MTMR4: variants seen among roughly 807,000 people sequenced by gnomAD.
MTMR4 encodes the protein phosphatidylinositol-3,5-bisphosphate 3-phosphatase MTMR4.
MTMR4 carries 30 observed loss-of-function variants against 125.5 expected under a neutral mutation model. The observed-to-expected ratio is 0.24, with a 90% CI of 0.18 to 0.32. The LOEUF is 0.32. Among genes scored for constraint, MTMR4 ranks in the 10% least tolerant of loss-of-function variants. The pLI is 1.00. For missense variants in MTMR4, 1,039 were observed against 1,511.5 expected, an observed-to-expected ratio of 0.69 and a Z score of 5.18; for synonymous variants, 498 against 564.5, an observed-to-expected ratio of 0.88 and a Z score of 1.67.
chr17:58,506,622 G>A, intron 9 of MTMR4, 121 bp downstream of exon 9: 1 of 1,294,572 alleles, frequency 7.7e-7, no homozygotes, highest in South Asian at 1.5e-5. Context: ...AGGTAGCAAA[G>A]TTGTGATTAC....
rs146021551 is a variant in MTMR4, at chr17:58,494,994, G to A, written c.3190C>T (p.Leu1064=). 29 of 1,614,108 alleles carry A rather than the reference G, an allele frequency of 1.8e-5. No individual in the cohort carries two copies. Among genetic ancestry groups the A allele is most frequent in the Non-Finnish European group, 2.5e-5 (29 of 1,180,046 alleles). Residue 1064 remains leucine, a synonymous_variant, in exon 15 of 18, where the codon CTG becomes TTG. Coordinates refer to ENST00000682306, the MANE Select transcript of MTMR4 (RefSeq NM_001378067.1). ...RRQVRELQMR[L]DIRHCCAPPA... Reference sequence around the variant, plus strand: ...GGGGCACAGCAGTGACGGATGTCCAGCCTCATCTGAAGCTCACGCACCTGT... The same window carrying A: ...GGGGCACAGCAGTGACGGATGTCCAACCTCATCTGAAGCTCACGCACCTGT...
intron 14 of MTMR4, among the ~76,000 whole-genome samples, chr17:58,499,385 A>G (rs556809030): frequency 6.6e-6 from 1 of 152,198 alleles, no homozygotes; most frequent in Admixed American, 6.5e-5. Context: ...CGTCTCTACT[A>G]AAAATACAAA....
At position 58,507,080 on chromosome 17, in the gene MTMR4, AG is replaced by A. The variant is rs560502475; in HGVS notation, c.904+42del. On this transcript the variant is annotated intron_variant, in intron 8 of 17. Transcript: ENST00000682306. ...TCCCTGGGAGCCAATGAAGCCAAGG[AG>A]GGGGCCTGCTCCCTGGGGGGTTAGC... The A allele has an allele frequency of 1.1e-4, 183 of 1,610,142 alleles. 2 individuals are homozygous for A. The South Asian group carries it at 1.9e-3, about 17-fold the overall frequency.
At chr17:58,491,945 A>G in intron 17 of MTMR4, 105 bp from the exon 18 acceptor site, 1 of 1,058,410 alleles carries the variant, frequency 9.4e-7, no homozygotes, top group Non-Finnish European at 1.3e-6. Flanking sequence ...CTGAGGCAGT[A>G]GAATCGCTTG....
rs984679435 is a variant in MTMR4 at position 58,501,620 on chromosome 17, A to C, written c.1853+2124T>G. On this transcript the variant is annotated intron_variant, in intron 14 of 17. Coordinates refer to ENST00000682306, the MANE Select transcript of MTMR4 (RefSeq NM_001378067.1). Reference sequence around the variant, plus strand: ...TATACACACATATATGTATATGTCTATGTATATACGTATACATGTATATAT... The same window carrying C: ...TATACACACATATATGTATATGTCTCTGTATATACGTATACATGTATATAT... Among the ~76,000 whole-genome samples, 12 of 151,446 alleles carry C rather than the reference A, an allele frequency of 7.9e-5. No individual in the cohort carries two copies. The Admixed American group carries it at 7.9e-4, about 10-fold the overall frequency.
Position 58,508,963 on chromosome 17 carries a change from A to C in MTMR4, c.336-122T>G. On this transcript the variant is annotated intron_variant, in intron 4 of 17. Transcript: ENST00000682306. The surrounding 1 kb of genome is among the most constrained non-coding windows in gnomAD (Gnocchi z 4.8). The stretch of plus-strand genomic sequence containing the variant: ...AGAGAAGGCTGCAAAGCAAGAGGTA[A>C]AGCAGTGGGGACCCAGGGTGGGGGG... 1 of 1,114,656 alleles carries C rather than the reference A, an allele frequency of 9.0e-7. No homozygotes were observed. The highest frequency in any genetic ancestry group is 1.3e-6 in the Non-Finnish European group (1 of 786,710). 69.0% of individuals were successfully genotyped at this position (1,114,656 alleles called of 1,614,324 possible).
rs1226574696 is a variant in MTMR4 at position 58,505,457 on chromosome 17, G to A, written c.1145+15C>T. On this transcript the variant is annotated intron_variant, in intron 10 of 17. Transcript: ENST00000682306. ...AGGAATGAGACTGGAAGGAATCCAA[G>A]TAGGGAACACCTACTTGCTAGGATC... 1 of 1,590,924 alleles carries A rather than the reference G, an allele frequency of 6.3e-7. No homozygotes were observed. The highest frequency in any genetic ancestry group is 8.6e-7 in the Non-Finnish European group (1 of 1,160,480).
At position 58,507,222 on chromosome 17, in the gene MTMR4, T is replaced by C. The variant is rs764447093; in HGVS notation, c.805A>G (p.Ile269Val). 1.9e-6 allele frequency: 3 copies of C among 1,614,186 alleles called. No homozygotes were observed. The highest frequency in any genetic ancestry group is 3.3e-5 in the Admixed American group (2 of 60,026). The change falls in exon 8 of 18, where the codon ATT becomes GTT. Residue 269 changes from isoleucine to valine, a missense_variant. Coordinates refer to ENST00000682306, the MANE Select transcript of MTMR4 (RefSeq NM_001378067.1). ...GGGTCCAGGGCACAGGCTTTAGCAA[T>C]GGACGTGACCAGGTACTCATCATCA... is the stretch of plus-strand genomic sequence containing the variant. ...NADDEYLVTS[I>V]AKACALDPGT...
chr17:58,518,725 C>G (rs2042061536), upstream of MTMR4, among the ~76,000 whole-genome samples: 1 of 152,154 alleles, frequency 6.6e-6, no homozygotes, highest in Non-Finnish European at 1.5e-5. Flanking sequence ...CTTTCCTTCC[C>G]GGGGACCCAG....
At chr17:58,517,851 C>T (rs568920762), upstream of MTMR4, 1 of 154,450 alleles carries the variant, frequency 6.5e-6, no homozygotes, top group East Asian at 1.9e-4. Context: ...TGAGGCCGCG[C>T]TCTTGCCACT....
chr17:58,516,828 G>A (rs1011898934), upstream of MTMR4, among the ~76,000 whole-genome samples: 9 of 152,336 alleles, frequency 5.9e-5, no homozygotes, highest in South Asian at 4.1e-4. Context: ...AGGGCATGAA[G>A]TCAGCCACGA....
Position 58,508,663 on chromosome 17 carries a change from A to T in MTMR4, c.496+18T>A. 1 of 1,613,666 alleles carries T rather than the reference A, an allele frequency of 6.2e-7. No homozygotes were observed. Among genetic ancestry groups the T allele is most frequent in the Middle Eastern group, 1.6e-4 (1 of 6,062 alleles). On this transcript the variant is annotated intron_variant, in intron 5 of 17. Coordinates refer to ENST00000682306, the MANE Select transcript of MTMR4 (RefSeq NM_001378067.1). This position sits in a 1 kb window ranked among gnomAD's most constrained non-coding sequence, Gnocchi z 4.8. ...AGGGGTAAGAAGCAGCCTCCCAAAG[A>T]AAATAGACTGGCCTCACCTGGCTGA...
rs778041239 is a variant in MTMR4, at chr17:58,503,748, C to T, written c.1849G>A (p.Asp617Asn). 1.9e-6 allele frequency: 3 copies of T among 1,613,300 alleles called. No homozygotes were observed. Among genetic ancestry groups the T allele is most frequent in the African/African-American group, 1.3e-5 (1 of 74,882 alleles). The part of the protein sequence containing the change: ...QSQEFSGRSL[D>N]RLPKTRSMDD... ...AGGAAGAAGGGCTTTTCTTACCTGT[C>T]CAGAGAGCGGCCAGAGAACTCCTGG... Residue 617 changes from aspartate to asparagine, a missense_variant, in exon 14 of 18, where the codon GAC (aspartate) becomes AAC (asparagine). Coordinates refer to ENST00000682306, the MANE Select transcript of MTMR4 (RefSeq NM_001378067.1).
chr17:58,490,098 G>A lies in MTMR4; in HGVS notation c.*1565C>T, dbSNP rs55695958. On this transcript the variant is annotated 3_prime_UTR_variant, in exon 18 of 18. Coordinates refer to ENST00000682306, the MANE Select transcript of MTMR4 (RefSeq NM_001378067.1). ...ACAAAAGAACCACAGATGCGTCTCT[G>A]TAGGACTGAAAAGGTCAGGACAAAT... 2.6e-5 allele frequency: 4 copies of A among 152,554 alleles called. No homozygotes were observed. Among genetic ancestry groups the A allele is most frequent in the Non-Finnish European group, 5.9e-5 (4 of 68,042 alleles). 9.5% of individuals were successfully genotyped at this position (152,554 alleles called of 1,614,324 possible).
intron 9 of MTMR4, 116 bp downstream of exon 9, chr17:58,506,627 G>T: frequency 1.5e-6 from 2 of 1,355,390 alleles, no homozygotes; most frequent in Non-Finnish European, 9.9e-7. Flanking sequence ...GCAAAGTTGT[G>T]ATTACAAGCC....
intron 14 of MTMR4, among the ~76,000 whole-genome samples, chr17:58,497,323 G>A (rs558256392): frequency 6.6e-6 from 1 of 152,218 alleles, no homozygotes; most frequent in African/African-American, 2.4e-5. Flanking sequence ...CTTTTGTGAC[G>A]AATTTTGATT....
At chr17:58,502,843 A>G (rs185600493) in intron 14 of MTMR4, among the ~76,000 whole-genome samples, 7 of 152,336 alleles carry the variant, frequency 4.6e-5, no homozygotes, top group Admixed American at 1.3e-4. Context: ...TCATAAGGGA[A>G]GATTTTCATT....
At chr17:58,517,991 C>A, upstream of MTMR4, 1 of 153,038 alleles carries the variant, frequency 6.5e-6, no homozygotes, top group South Asian at 2.0e-4. Context: ...CTGCCCCCAT[C>A]ACGCAGCCAC....
chr17:58,512,840 ACTC>A lies in MTMR4; in HGVS notation c.135+9_135+11del. The stretch of plus-strand genomic sequence containing the variant: ...GGAGCCCCATCTATCCTGGCCCCCA[ACTC>A]CTCCTTACCTGAAGATTCTCTTCCT... On this transcript the variant is annotated intron_variant, in intron 2 of 17. Transcript: ENST00000682306. The surrounding 1 kb of genome is among the most constrained non-coding windows in gnomAD (Gnocchi z 4.1). The A allele has an allele frequency of 6.2e-7, 1 of 1,610,146 alleles. No homozygotes were observed. Among genetic ancestry groups the A allele is most frequent in the Non-Finnish European group, 8.5e-7 (1 of 1,177,408 alleles).
Sources: gnomAD v4.1 joint callset for allele counts (sites outside exome capture counted in the v4.1 genomes callset) on GRCh38, gnomAD v4.1.1 for gene constraint, Gnocchi (gnomAD v3.1) non-coding constraint, MANE v1.5 for transcripts, NCBI Gene and HGNC (gene_info 2026-07-23, HGNC 2026-07-21) for gene names.